Variants in PCDHGA2 observed in about 807,000 individuals in gnomAD.
PCDHGA2 encodes protocadherin gamma-A2.
In PCDHGA2, 40 loss-of-function variants were observed where a neutral mutation model predicts 59.2. That is an observed-to-expected ratio of 0.68 (90% CI 0.52 to 0.88). The LOEUF (loss-of-function observed/expected upper bound fraction) is 0.88. Ranked by LOEUF, PCDHGA2 falls within the 40% of genes least tolerant of loss-of-function variation. PCDHGA2 has a pLI of 0.00. For missense variants in PCDHGA2, 1,226 were observed against 1,204.0 expected, an observed-to-expected ratio of 1.02 and a Z score of -0.27; for synonymous variants, 560 against 526.0, an observed-to-expected ratio of 1.06 and a Z score of -0.89.
At chr5:141,419,276 CAA>C in intron 1 of PCDHGA2, 4 of 1,614,038 alleles carry the variant, frequency 2.5e-6, no homozygotes, top group Non-Finnish European at 3.4e-6. Flanking sequence ...CTCCATAGCG[CAA>C]GTCAGTGCCT....
rs372096658 is a variant in PCDHGA2, at chr5:141,405,073, C to T, written c.2424+63678C>T. On this transcript the variant is annotated intron_variant, in intron 1 of 3. Coordinates refer to ENST00000394576, the MANE Select transcript of PCDHGA2 (RefSeq NM_018915.4). The stretch of plus-strand genomic sequence containing the variant: ...TCGTCTCCTGTGTCTTCCTCACCTT[C>T]GTTATCACGCTGCTGGCCCTCAGGC... The T allele has an allele frequency of 1.1e-5, 17 of 1,613,880 alleles. No individual in the cohort carries two copies. In the East Asian group the frequency reaches 1.3e-4, roughly 13 times the overall value.
In PCDHGA2 at chr5:141,491,723, G is replaced by A. The variant is rs764792125; in HGVS notation, c.2425-3084G>A. The A allele has an allele frequency of 1.7e-5, 27 of 1,606,770 alleles. No individual in the cohort carries two copies. In the African/African-American group the frequency reaches 3.2e-4, roughly 19 times the overall value. On this transcript the variant is annotated intron_variant, in intron 1 of 3. Coordinates refer to ENST00000394576, the MANE Select transcript of PCDHGA2 (RefSeq NM_018915.4). The surrounding 1 kb of genome is among the most constrained non-coding windows in gnomAD (Gnocchi z 6.9). The stretch of plus-strand genomic sequence containing the variant: ...CAGGTGAGGGGCTCGGCGCCGCCCC[G>A]GGCGACCCCTGGGGGCGGCACTGGA...
In PCDHGA2 at chr5:141,364,524, G is replaced by T. The variant is rs773568307; in HGVS notation, c.2424+23129G>T. The T allele has an allele frequency of 1.3e-5, 21 of 1,613,938 alleles. No individual in the cohort carries two copies. The highest frequency in any genetic ancestry group is 1.7e-5 in the Non-Finnish European group (20 of 1,179,924). On this transcript the variant is annotated intron_variant, in intron 1 of 3. Transcript: ENST00000394576. Reference sequence around the variant, plus strand: ...CAGGAGCTGGCGGAGCGCGGAGTCCGCATCGTCTCCAGAGGTAGGACGCAG... The same window carrying T: ...CAGGAGCTGGCGGAGCGCGGAGTCCTCATCGTCTCCAGAGGTAGGACGCAG...
Position 141,400,678 on chromosome 5 carries a change from T to A in PCDHGA2, c.2424+59283T>A. ...ACCATTCTTTAAGAGGAGCAGTAAA[T>A]TGTGAGTTTTTATGTCGCATAAAAG... On this transcript the variant is annotated intron_variant, in intron 1 of 3. Coordinates refer to ENST00000394576, the MANE Select transcript of PCDHGA2 (RefSeq NM_018915.4). 4.5e-6 allele frequency: 4 copies of A among 882,002 alleles called. No homozygotes were observed. In the South Asian group the frequency reaches 6.9e-5, roughly 15 times the overall value. The allele number at this position is 882,002 out of a possible 1,614,324, so 54.6% of individuals were successfully genotyped here.
At chr5:141,467,920 A>G (rs1244280087) in intron 1 of PCDHGA2, among the ~76,000 whole-genome samples, 1 of 152,124 alleles carries the variant, frequency 6.6e-6, no homozygotes, top group Non-Finnish European at 1.5e-5. Flanking sequence ...CAGCCTCCCA[A>G]AATGCTAGGA....
chr5:141,440,918 A>C (rs2154559108), intron 1 of PCDHGA2: 1 of 152,384 alleles, frequency 6.6e-6, no homozygotes, highest in Admixed American at 6.5e-5. Context: ...TCCTGTGCTG[A>C]GAGTGAGGGC....
intron 1 of PCDHGA2, chr5:141,404,934 C>A: frequency 5.6e-6 from 9 of 1,613,986 alleles, no homozygotes; most frequent in Non-Finnish European, 6.8e-6. Flanking sequence ...GTCACGCTCA[C>A]AGTAGCCATA....
intron 1 of PCDHGA2, chr5:141,355,064 T>C (rs1759705435): frequency 7.5e-7 from 1 of 1,325,416 alleles, no homozygotes; most frequent in Non-Finnish European, 1.0e-6. Context: ...GCTCTGGAGC[T>C]TTATGAAAGC....
intron 1 of PCDHGA2, chr5:141,356,815 G>C: frequency 6.2e-7 from 1 of 1,614,066 alleles, no homozygotes; most frequent in Non-Finnish European, 8.5e-7. Flanking sequence ...TGACAGTGGA[G>C]ACCCTCCACT....
In PCDHGA2 at chr5:141,338,824, C is replaced by T. The variant is rs1756781957; in HGVS notation, c.-148C>T. ...GTTTGGCCCTAAAGCTTCAGGACAC[C>T]AAAGAAATTCAGTCGAACAGCCCAC... On this transcript the variant is annotated 5_prime_UTR_variant, in exon 1 of 4. Transcript: ENST00000394576. 7.2e-7 allele frequency: 1 copy of T among 1,388,648 alleles called. No individual in the cohort carries two copies. Among genetic ancestry groups the T allele is most frequent in the Non-Finnish European group, 9.3e-7 (1 of 1,075,726 alleles). The allele number at this position is 1,388,648 out of a possible 1,614,324, so 86.0% of individuals were successfully genotyped here.
chr5:141,375,097 G>T (rs377388001), intron 1 of PCDHGA2: 1 of 1,613,904 alleles, frequency 6.2e-7, no homozygotes, highest in Non-Finnish European at 8.5e-7. Flanking sequence ...TAACTATCTT[G>T]GATGTCAATG....
intron 1 of PCDHGA2, chr5:141,427,993 C>G: frequency 6.3e-7 from 1 of 1,599,460 alleles, no homozygotes; most frequent in South Asian, 1.1e-5. Flanking sequence ...CCCGATGGCT[C>G]CGCACTCTTC....
chr5:141,344,502 G>T (rs372567476), intron 1 of PCDHGA2: 6 of 1,613,838 alleles, frequency 3.7e-6, no homozygotes, highest in Non-Finnish European at 5.1e-6. Flanking sequence ...AATTAAAACT[G>T]CTTTTGACCC....
At chr5:141,382,317 GTAAA>G (rs1482634443) in intron 1 of PCDHGA2, among the ~76,000 whole-genome samples, 1 of 152,160 alleles carries the variant, frequency 6.6e-6, no homozygotes, top group Non-Finnish European at 1.5e-5. Flanking sequence ...ATACACTGAT[GTAAA>G]TATTTTCTAA....
At chr5:141,350,728 T>A (rs779732402) in intron 1 of PCDHGA2, 29 of 1,613,856 alleles carry the variant, frequency 1.8e-5, no homozygotes, top group Non-Finnish European at 2.4e-5. Flanking sequence ...CTGCTCAAGA[T>A]GCAGATGTGG....
Position 141,365,829 on chromosome 5 carries a change from C to G in PCDHGA2, c.2424+24434C>G, listed in dbSNP as rs776903918. ...GCTGAAGACACATTTCAGGGGGCGC[C>G]CTTGTCCTCCTATGTATCCATTAAC... On this transcript the variant is annotated intron_variant, in intron 1 of 3. Coordinates refer to ENST00000394576, the MANE Select transcript of PCDHGA2 (RefSeq NM_018915.4). 3 of 1,613,964 alleles carry G rather than the reference C, an allele frequency of 1.9e-6. No individual in the cohort carries two copies. The South Asian group carries it at 3.3e-5, about 18-fold the overall frequency.
intron 1 of PCDHGA2, chr5:141,357,012 G>C: frequency 6.2e-7 from 1 of 1,614,174 alleles, no homozygotes; most frequent in Non-Finnish European, 8.5e-7. Context: ...ATGCCTGGCT[G>C]TCCTACAGCC....
chr5:141,356,968 A>G (rs373724298), intron 1 of PCDHGA2: 2 of 1,614,130 alleles, frequency 1.2e-6, no homozygotes, highest in African/African-American at 2.7e-5. Flanking sequence ...CCTGGTGACC[A>G]AAGTGGTGGC....
rs2099811015 is a variant in PCDHGA2 at position 141,501,774 on chromosome 5, G to GTC, written c.2484-3612_2484-3611dup. ...CTCTCAGTAAATGGTTAAAAAAGAG[G>GTC]TCTCTCTCCCTCTGCTCATCTCTTA... is the stretch of plus-strand genomic sequence containing the variant. On this transcript the variant is annotated intron_variant, in intron 2 of 3. Coordinates refer to ENST00000394576, the MANE Select transcript of PCDHGA2 (RefSeq NM_018915.4). Among the ~76,000 whole-genome samples, 3 of 152,062 alleles carry GTC rather than the reference G, an allele frequency of 2.0e-5. No homozygotes were observed. In the South Asian group the frequency reaches 6.2e-4, roughly 32 times the overall value.
Sources: allele counts gnomAD v4.1 joint callset (sites outside exome capture counted in the v4.1 genomes callset), GRCh38; gene constraint gnomAD v4.1.1; non-coding constraint Gnocchi (gnomAD v3.1); transcripts MANE v1.5; gene names NCBI Gene and HGNC (gene_info 2026-07-23, HGNC 2026-07-21).